SYT14: variants seen among roughly 807,000 people sequenced by gnomAD.
SYT14 encodes the protein synaptotagmin 14.
Under a neutral mutation model 74.2 loss-of-function variants are expected in SYT14, and 32 were observed. The observed-to-expected ratio is 0.43, with a 90% confidence interval of 0.33 to 0.58. SYT14 has a LOEUF of 0.58. Ranked by LOEUF, SYT14 falls within the 20% of genes least tolerant of loss-of-function variation. SYT14 has a pLI of 0.05. For synonymous variants in SYT14, 298 were observed against 337.7 expected, an observed-to-expected ratio of 0.88 and a Z score of 1.29; for missense variants, 791 against 981.8, an observed-to-expected ratio of 0.81 and a Z score of 2.60.
At chr1:210,162,372 G>T in exon 10 of SYT14, 2 of 433,078 alleles carry the variant, frequency 4.6e-6, no homozygotes, top group South Asian at 1.7e-5. Context: ...TGTAAAAGTT[G>T]TATAATGTGC....
chr1:210,003,943 T>C (rs1270316844), intron 2 of SYT14, among the ~76,000 whole-genome samples: 1 of 152,092 alleles, frequency 6.6e-6, no homozygotes, highest in Non-Finnish European at 1.5e-5. Flanking sequence ...TAATTTTTTT[T>C]CCTTATTGTG....
chr1:210,117,951 TC>T (rs1168428752), intron 7 of SYT14, among the ~76,000 whole-genome samples: 1 of 152,208 alleles, frequency 6.6e-6, no homozygotes, highest in Non-Finnish European at 1.5e-5. Context: ...CAAATGCTAA[TC>T]CCTTCACTGT....
intron 5 of SYT14, among the ~76,000 whole-genome samples, chr1:210,079,113 C>T (rs2081571060): frequency 1.3e-5 from 2 of 151,658 alleles, no homozygotes; most frequent in Admixed American, 6.6e-5. Context: ...TTTTTTTTAG[C>T]CTGAGTAGAT....
chr1:210,013,495 G>A (rs1019159537), intron 2 of SYT14, 138 bp from the exon 3 acceptor site: 6 of 827,256 alleles, frequency 7.3e-6, no homozygotes, highest in African/African-American at 5.2e-5. Context: ...TCTTATAAAC[G>A]AAACTGTTTT....
At chr1:209,962,842 C>T (rs17015480) in intron 2 of SYT14, among the ~76,000 whole-genome samples, 20,823 of 152,030 alleles carry the variant, frequency 0.14, 4,448 homozygotes, top group African/African-American at 0.46. Flanking sequence ...TCCTGTACCT[C>T]ACTAAGTTCT....
intron 5 of SYT14, among the ~76,000 whole-genome samples, chr1:210,036,915 G>A (rs4844507): frequency 0.034 from 5,138 of 152,036 alleles, 605 homozygotes; most frequent in Admixed American, 0.23. Context: ...GTCTTTGGTT[G>A]GCTTTGGTGT....
chr1:210,034,784 A>ATTT (rs1242735621), intron 5 of SYT14, among the ~76,000 whole-genome samples: 1 of 151,844 alleles, frequency 6.6e-6, no homozygotes, highest in African/African-American at 2.4e-5. Flanking sequence ...AGTTCCATCC[A>ATTT]TGTTGCTGCA....
At chr1:210,016,500 A>G in exon 4 of SYT14, 1 of 1,232,096 alleles carries the variant, frequency 8.1e-7, no homozygotes, top group Non-Finnish European at 1.0e-6. Context: ...TCTATTTGTC[A>G]AGAACTTGAA....
intron 5 of SYT14, among the ~76,000 whole-genome samples, chr1:210,040,466 A>G (rs753318407): frequency 9.2e-4 from 140 of 152,004 alleles, no homozygotes; most frequent in Non-Finnish European, 1.8e-3. Context: ...GTGTAAACCT[A>G]TGCAACCTTC....
At chr1:210,147,021 T>C (rs1418019254) in intron 7 of SYT14, among the ~76,000 whole-genome samples, 1 of 151,974 alleles carries the variant, frequency 6.6e-6, no homozygotes, top group Non-Finnish European at 1.5e-5. Context: ...TTAAAAAGTA[T>C]GAGCAGGAAG....
intron 7 of SYT14, among the ~76,000 whole-genome samples, chr1:210,155,019 A>G (rs2083239756): frequency 6.6e-6 from 1 of 152,136 alleles, no homozygotes; most frequent in Admixed American, 6.5e-5. Flanking sequence ...CCCAGTGATT[A>G]TGGATGTCTG....
chr1:210,021,083 A>C, exon 5 of SYT14: 1 of 1,613,992 alleles, frequency 6.2e-7, no homozygotes, highest in Non-Finnish European at 8.5e-7. Context: ...ATCCTCTGAA[A>C]GTGAAGATGA....
At chr1:210,031,962 C>G (rs1446861627) in intron 5 of SYT14, among the ~76,000 whole-genome samples, 6 of 152,118 alleles carry the variant, frequency 3.9e-5, no homozygotes, top group African/African-American at 1.4e-4. Context: ...CTATGGACTA[C>G]TATGCACTTT....
At position 210,112,117 on chromosome 1, in the gene SYT14, A is replaced by G. The variant is rs1450507313; in HGVS notation, c.2034+11656A>G. Among the ~76,000 whole-genome samples, 3 of 151,348 alleles carry G rather than the reference A, an allele frequency of 2.0e-5. 1 individual carries two copies. The highest frequency in any genetic ancestry group is 7.4e-5 in the African/African-American group (3 of 40,634). ...CTCACAGAAGGGAAGAAATGACTGC[A>G]GTGGCTTTCTCAGACCCTGTGGGAA... is the stretch of plus-strand genomic sequence containing the variant. On this transcript the variant is annotated intron_variant, in intron 7 of 9. Coordinates refer to ENST00000637265, the Ensembl canonical transcript of SYT14.
intron 1 of SYT14, among the ~76,000 whole-genome samples, chr1:209,947,084 C>T (rs2078835029): frequency 6.6e-6 from 1 of 152,140 alleles, no homozygotes; most frequent in African/African-American, 2.4e-5. Flanking sequence ...AAAAAGATGC[C>T]TTTCAAAATG....
At chr1:210,041,569 C>G (rs1434607938) in intron 5 of SYT14, among the ~76,000 whole-genome samples, 1 of 151,918 alleles carries the variant, frequency 6.6e-6, no homozygotes, top group Non-Finnish European at 1.5e-5. Context: ...ATAGCATACA[C>G]TAAGTGAAAA....
intron 2 of SYT14, among the ~76,000 whole-genome samples, chr1:209,962,971 T>A (rs964314669): frequency 1.3e-5 from 2 of 152,174 alleles, no homozygotes; most frequent in African/African-American, 4.8e-5. Flanking sequence ...CAGAATGATG[T>A]CTGTGGACCA....
At chr1:209,953,851 A>G (rs1360271713) in intron 2 of SYT14, among the ~76,000 whole-genome samples, 1 of 152,208 alleles carries the variant, frequency 6.6e-6, no homozygotes, top group Non-Finnish European at 1.5e-5. Context: ...AATTGAAGTC[A>G]GTTTCATGAA....
intron 1 of SYT14, among the ~76,000 whole-genome samples, chr1:209,941,368 A>G (rs1307139734): frequency 6.6e-6 from 1 of 152,214 alleles, no homozygotes; most frequent in Non-Finnish European, 1.5e-5. Context: ...TGAAATATTG[A>G]CAATAGTTAC....
Sources: gnomAD v4.1 joint callset for allele counts (sites outside exome capture counted in the v4.1 genomes callset) on GRCh38, gnomAD v4.1.1 for gene constraint, MANE v1.5 for transcripts, NCBI Gene and HGNC (gene_info 2026-07-23, HGNC 2026-07-21) for gene names.